Variants in RSBN1L observed in about 807,000 individuals in gnomAD.
The protein encoded by RSBN1L is round spermatid basic protein 1 like.
Under a neutral mutation model 67.7 loss-of-function variants are expected in RSBN1L, and 30 were observed. The ratio of observed to expected loss-of-function variants is 0.44; its 90% confidence interval spans 0.33 to 0.60. The LOEUF is 0.60. Ranked by LOEUF, RSBN1L falls within the 20% of genes least tolerant of loss-of-function variation. RSBN1L has a pLI of 0.02. For missense variants in RSBN1L, 992 were observed against 1,031.7 expected (o/e 0.96, Z 0.53); for synonymous variants, 433 against 387.0 (o/e 1.12, Z -1.39).
chr7:77,773,321 A>G lies in RSBN1L; in HGVS notation c.1793+7A>G, dbSNP rs775244227. The G allele has an allele frequency of 1.2e-5, 17 of 1,472,026 alleles. No homozygotes were observed. Among genetic ancestry groups the G allele is most frequent in the Non-Finnish European group, 1.5e-5 (17 of 1,102,772 alleles). 91.2% of individuals were successfully genotyped at this position (1,472,026 alleles called of 1,614,324 possible). A position where few individuals can be genotyped will look rare whatever the true frequency, so the allele number is the denominator to read the frequency against. The stretch of plus-strand genomic sequence containing the variant: ...CTGTGCACTGTGGAGAGTGGTATAT[A>G]TAACTACCGCTATTTTAATGAAAGA... On this transcript the variant is annotated splice_region_variant and intron_variant, in intron 6 of 7. Coordinates refer to ENST00000334955, the MANE Select transcript of RSBN1L (RefSeq NM_198467.3).
chr7:77,696,553 G>C lies in RSBN1L; in HGVS notation c.84G>C (p.Lys28Asn), dbSNP rs778810324. 2 of 1,614,104 alleles carry C rather than the reference G, an allele frequency of 1.2e-6. No homozygotes were observed. The highest frequency in any genetic ancestry group is 3.3e-5 in the Admixed American group (2 of 60,034). The change falls in exon 1 of 8, where the codon AAG becomes AAC. Residue 28 changes from lysine to asparagine, a missense_variant. This residue lies in a region of RSBN1L where 575 missense variants were observed against 483.2 expected (regional missense o/e 1.19). Coordinates refer to ENST00000334955, the MANE Select transcript of RSBN1L (RefSeq NM_198467.3). ...ATVSEKEPFG[K>N]LQLSSRDPPG... ...TCTCGGAGAAAGAACCGTTTGGCAA[G>C]CTGCAACTCTCCTCCCGGGACCCTC... is the stretch of plus-strand genomic sequence containing the variant.
intron 1 of RSBN1L, among the ~76,000 whole-genome samples, chr7:77,708,681 C>A (rs28371450): frequency 6.6e-6 from 1 of 151,778 alleles, no homozygotes; most frequent in African/African-American, 2.4e-5. Context: ...CGCGCCCAGC[C>A]GAGTTCAGAC....
intron 2 of RSBN1L, among the ~76,000 whole-genome samples, chr7:77,745,355 ACT>A (rs1791468504): frequency 6.6e-6 from 1 of 152,176 alleles, no homozygotes; most frequent in African/African-American, 2.4e-5. Flanking sequence ...TTTCATTCAT[ACT>A]TTCATTAAAT....
At position 77,755,657 on chromosome 7, in the gene RSBN1L, A is replaced by T. The variant is rs1159013801; in HGVS notation, c.1344+5593A>T. On this transcript the variant is annotated intron_variant, in intron 3 of 7. Coordinates refer to ENST00000334955, the MANE Select transcript of RSBN1L (RefSeq NM_198467.3). ...ACTCTAGCTTGGGTGACAGAGTGAG[A>T]CTTGTCTCAAAAACAAAACAAAAAC... is the stretch of plus-strand genomic sequence containing the variant. Among the ~76,000 whole-genome samples the T allele has an allele frequency of 3.1e-5, 4 of 129,500 alleles. No individual in the cohort carries two copies. In the East Asian group the frequency reaches 8.1e-4, roughly 26 times the overall value. 85.0% of individuals were successfully genotyped at this position (129,500 alleles called of 152,430 possible).
rs1321010456 is a variant in RSBN1L, at chr7:77,696,499, T to C, written c.30T>C (p.Cys10=). 5.6e-6 allele frequency: 9 copies of C among 1,613,330 alleles called. No individual in the cohort carries two copies. Among genetic ancestry groups the C allele is most frequent in the Non-Finnish European group, 5.1e-6 (6 of 1,179,700 alleles). The change falls in exon 1 of 8, where the codon TGT becomes TGC. Residue 10 remains cysteine (C), a synonymous_variant. Coordinates refer to ENST00000334955, the MANE Select transcript of RSBN1L (RefSeq NM_198467.3). ...CGGAACCGCCGAGCCCCGTGCACTG[T>C]GTCGCTGCCGCGGCCCCCACCGCCA... is the stretch of plus-strand genomic sequence containing the variant. MAEPPSPVH[C]VAAAAPTATV...
chr7:77,697,257 G>T (rs1317133488), intron 1 of RSBN1L: 1 of 438,606 alleles, frequency 2.3e-6, no homozygotes, highest in African/African-American at 2.1e-5. Context: ...GCAGAGAGGG[G>T]GATGGCCGAC....
chr7:77,712,986 CA>C (rs1790995896), intron 1 of RSBN1L, among the ~76,000 whole-genome samples: 1 of 152,066 alleles, frequency 6.6e-6, no homozygotes, highest in African/African-American at 2.4e-5. Context: ...TGAGACTGTC[CA>C]TTTTTTACAT....
rs1791979745 is a variant in RSBN1L at position 77,780,113 on chromosome 7, A to T, written c.*945A>T. 1 of 152,224 alleles carries T rather than the reference A, an allele frequency of 6.6e-6. No individual in the cohort carries two copies. Among genetic ancestry groups the T allele is most frequent in the Non-Finnish European group, 1.5e-5 (1 of 68,100 alleles). The allele number at this position is 152,224 out of a possible 1,614,324, so 9.4% of individuals were successfully genotyped here. A position where few individuals can be genotyped will look rare whatever the true frequency, so the allele number is the denominator to read the frequency against. On this transcript the variant is annotated 3_prime_UTR_variant, in exon 8 of 8. Coordinates refer to ENST00000334955, the MANE Select transcript of RSBN1L (RefSeq NM_198467.3). ...CCAAAGTGCTGGGATTGCAGGGGTG[A>T]GCCACAGCGCCCAGCCTATGCAGGC...
At chr7:77,750,296 GTTTTTTTTTTTTT>G (rs36054297) in intron 3 of RSBN1L, among the ~76,000 whole-genome samples, 4 of 57,458 alleles carry the variant, frequency 7.0e-5, no homozygotes, top group South Asian at 8.0e-4. Context: ...AAGATTCTGT[GTTTTTTTTTTTTT>G]TTTTTTTTTT....
chr7:77,773,719 C>T (rs918645883), intron 6 of RSBN1L, among the ~76,000 whole-genome samples: 1 of 152,086 alleles, frequency 6.6e-6, no homozygotes, highest in Non-Finnish European at 1.5e-5. Flanking sequence ...GCCGAGATCG[C>T]GCCACTGCAC....
At chr7:77,697,769 A>C (rs1240689370) in intron 1 of RSBN1L, among the ~76,000 whole-genome samples, 2 of 152,188 alleles carry the variant, frequency 1.3e-5, no homozygotes, top group African/African-American at 4.8e-5. Context: ...TTTTCGCCAG[A>C]TCAAGCGGCT....
intron 1 of RSBN1L, among the ~76,000 whole-genome samples, chr7:77,732,128 A>G (rs1482884266): frequency 6.6e-6 from 1 of 152,172 alleles, no homozygotes; most frequent in African/African-American, 2.4e-5. Flanking sequence ...GAGAATTATG[A>G]TGAGAAGATC....
At position 77,779,816 on chromosome 7, in the gene RSBN1L, C is replaced by CTTTTTTTTTT. The variant is rs750541557; in HGVS notation, c.*653_*662dup. 5 of 132,958 alleles carry CTTTTTTTTTT rather than the reference C, an allele frequency of 3.8e-5. No homozygotes were observed. The highest frequency in any genetic ancestry group is 1.1e-4 in the African/African-American group (4 of 36,336). The allele number at this position is 132,958 out of a possible 1,614,324, so 8.2% of individuals were successfully genotyped here. A position where few individuals can be genotyped will look rare whatever the true frequency, so the allele number is the denominator to read the frequency against. On this transcript the variant is annotated 3_prime_UTR_variant, in exon 8 of 8. Coordinates refer to ENST00000334955, the MANE Select transcript of RSBN1L (RefSeq NM_198467.3). ...ATTTAAGTTCCTCACACTGTGCAGG[C>CTTTTTTTTTT]TTTTTTTTTTTTTTCTTTTTTTCTT...
At chr7:77,760,046 G>T (rs887980261) in intron 3 of RSBN1L, among the ~76,000 whole-genome samples, 1 of 151,960 alleles carries the variant, frequency 6.6e-6, no homozygotes, top group Non-Finnish European at 1.5e-5. Flanking sequence ...TACTATATTT[G>T]CCTTTTCCCC....
At chr7:77,702,839 A>G (rs997129860) in intron 1 of RSBN1L, among the ~76,000 whole-genome samples, 15 of 152,116 alleles carry the variant, frequency 9.9e-5, no homozygotes, top group Admixed American at 7.9e-4. Flanking sequence ...GACTTTTCCT[A>G]TAATGGAAAG....
rs1297984012 is a variant in RSBN1L, at chr7:77,749,749, G to A, written c.1029G>A (p.Leu343=). ...VQNNLKRLDT[L]EFKQLIHIEH... ...ATAACCTCAAAAGGTTGGACACTTTGGAATTTAAACAACTCATTCATATAG... is the reference window on the plus strand; with the variant it reads ...ATAACCTCAAAAGGTTGGACACTTTAGAATTTAAACAACTCATTCATATAG... The change falls in exon 3 of 8, where the codon TTG becomes TTA. Residue 343 remains leucine (L), a synonymous_variant. Coordinates refer to ENST00000334955, the MANE Select transcript of RSBN1L (RefSeq NM_198467.3). 1 of 1,614,118 alleles carries A rather than the reference G, an allele frequency of 6.2e-7. No homozygotes were observed. Among genetic ancestry groups the A allele is most frequent in the East Asian group, 2.2e-5 (1 of 44,870 alleles).
chr7:77,720,428 T>C (rs1562796793), intron 1 of RSBN1L, among the ~76,000 whole-genome samples: 1 of 152,080 alleles, frequency 6.6e-6, no homozygotes, highest in Non-Finnish European at 1.5e-5. Context: ...GGCGTGGTGC[T>C]GCATGCCCGT....
chr7:77,710,163 C>G (rs1286987347), intron 1 of RSBN1L, among the ~76,000 whole-genome samples: 1 of 152,188 alleles, frequency 6.6e-6, no homozygotes, highest in African/African-American at 2.4e-5. Flanking sequence ...TTAGTGGGCT[C>G]CCTATTTCAG....
At chr7:77,734,415 A>G (rs1217332401) in intron 1 of RSBN1L, among the ~76,000 whole-genome samples, 2 of 152,130 alleles carry the variant, frequency 1.3e-5, no homozygotes, top group Admixed American at 6.6e-5. Context: ...TGATATATAA[A>G]TAGTTCATTT....
Sources: allele counts gnomAD v4.1 joint callset (sites outside exome capture counted in the v4.1 genomes callset), GRCh38; gene constraint gnomAD v4.1.1; regional missense constraint gnomAD v4.1.1; transcripts MANE v1.5; gene names NCBI Gene and HGNC (gene_info 2026-07-23, HGNC 2026-07-21).